MITF: variants seen among roughly 807,000 people sequenced by gnomAD.
MITF encodes the protein microphthalmia-associated transcription factor.
A neutral mutation model predicts 60.5 loss-of-function variants in MITF; 17 were observed. The ratio of observed to expected loss-of-function variants is 0.28; its 90% CI spans 0.19 to 0.42. The LOEUF is 0.42. Ranked by LOEUF, MITF falls within the 10% of genes least tolerant of loss-of-function variation. MITF has a pLI of 1.00. For missense variants in MITF, 622 were observed against 683.5 expected (o/e 0.91, Z 1.00); for synonymous variants, 260 against 248.5 (o/e 1.05, Z -0.43).
chr3:69,929,526 G>A (rs1049841021), intron 2 of MITF, among the ~76,000 whole-genome samples: 1 of 152,074 alleles, frequency 6.6e-6, no homozygotes, highest in Admixed American at 6.6e-5. Flanking sequence ...GCCCTGGAAT[G>A]TGCATTTCTA....
intron 8 of MITF, among the ~76,000 whole-genome samples, chr3:69,958,314 C>CT (rs1291285263): frequency 6.6e-6 from 1 of 152,186 alleles, no homozygotes; most frequent in African/African-American, 2.4e-5. Context: ...TCTGCGCTCA[C>CT]TGTGGGTATC....
At chr3:69,935,722 C>G (rs1209452523) in intron 2 of MITF, among the ~76,000 whole-genome samples, 1 of 152,100 alleles carries the variant, frequency 6.6e-6, no homozygotes, top group Non-Finnish European at 1.5e-5. Flanking sequence ...TTGCTTGCCT[C>G]TTTTCTTTTT....
chr3:69,774,172 C>G (rs937171278), intron 1 of MITF, among the ~76,000 whole-genome samples: 2 of 152,168 alleles, frequency 1.3e-5, no homozygotes, highest in African/African-American at 4.8e-5. Context: ...CCAGTTAGAC[C>G]TAGTGCCACA....
chr3:69,877,820 A>T (rs2064389520), intron 1 of MITF, among the ~76,000 whole-genome samples: 1 of 152,188 alleles, frequency 6.6e-6, no homozygotes, highest in Admixed American at 6.5e-5. Context: ...AAGGTAAAAG[A>T]TAATACCAGA....
chr3:69,859,450 T>C (rs986093416), intron 1 of MITF, among the ~76,000 whole-genome samples: 5 of 152,212 alleles, frequency 3.3e-5, no homozygotes, highest in African/African-American at 1.2e-4. Flanking sequence ...CAGTCCCTTC[T>C]TCTGGCTCCT....
chr3:69,753,661 G>C (rs1267686644), intron 1 of MITF, among the ~76,000 whole-genome samples: 2 of 152,220 alleles, frequency 1.3e-5, no homozygotes, highest in Non-Finnish European at 2.9e-5. Flanking sequence ...AGTGAGCCCT[G>C]GATGTGAGAC....
chr3:69,848,357 G>A (rs2063766958), intron 1 of MITF, among the ~76,000 whole-genome samples: 1 of 152,180 alleles, frequency 6.6e-6, no homozygotes, highest in Non-Finnish European at 1.5e-5. Context: ...ATATCACTCT[G>A]ACAAATATTG....
intron 1 of MITF, among the ~76,000 whole-genome samples, chr3:69,824,027 T>C (rs974897309): frequency 6.6e-6 from 1 of 152,220 alleles, no homozygotes; most frequent in Non-Finnish European, 1.5e-5. Flanking sequence ...GGTCAAAATA[T>C]GAGCAACATT....
chr3:69,909,038 T>A lies in MITF; in HGVS notation c.355-28784T>A, dbSNP rs117463897. ...GTTTGTTTGTTTTTTAAAGACATGG[T>A]GATACGGCTTGGCTGTGTCCCCAAC... On this transcript the variant is annotated intron_variant, in intron 2 of 9. Coordinates refer to ENST00000352241, the MANE Select transcript of MITF (RefSeq NM_001354604.2). 3.3e-4 allele frequency among the ~76,000 whole-genome samples: 50 copies of A among 152,282 alleles called. 1 individual carries two copies. The East Asian group carries it at 9.7e-3, about 29-fold the overall frequency.
intron 1 of MITF, among the ~76,000 whole-genome samples, chr3:69,749,462 A>G (rs1703848764): frequency 6.6e-6 from 1 of 152,236 alleles, no homozygotes; most frequent in African/African-American, 2.4e-5. Flanking sequence ...ACCTCAGCCA[A>G]TAAGAACTCT....
chr3:69,951,195 T>C (rs2066242456), intron 6 of MITF, among the ~76,000 whole-genome samples: 1 of 149,762 alleles, frequency 6.7e-6, no homozygotes, highest in African/African-American at 2.5e-5. Context: ...CCTCCTGGGC[T>C]CAAGTGATCC....
chr3:69,903,982 C>G (rs1047043714), intron 2 of MITF, among the ~76,000 whole-genome samples: 2 of 152,092 alleles, frequency 1.3e-5, no homozygotes, highest in African/African-American at 4.8e-5. Flanking sequence ...TGAGATAATG[C>G]TCATGCATCA....
intron 1 of MITF, among the ~76,000 whole-genome samples, chr3:69,862,391 A>G (rs932161605): frequency 5.3e-5 from 8 of 152,198 alleles, no homozygotes; most frequent in African/African-American, 1.9e-4. Flanking sequence ...AGGACCCAGC[A>G]CATAGTAAGC....
At chr3:69,791,068 T>C (rs542952654) in intron 1 of MITF, among the ~76,000 whole-genome samples, 2 of 152,382 alleles carry the variant, frequency 1.3e-5, no homozygotes, top group East Asian at 3.9e-4. Context: ...TGTATTTCTA[T>C]ATGAACAAAT....
chr3:69,848,003 T>A (rs1174666561), intron 1 of MITF, among the ~76,000 whole-genome samples: 2 of 152,224 alleles, frequency 1.3e-5, no homozygotes, highest in African/African-American at 4.8e-5. Flanking sequence ...TTCTATTTCA[T>A]GAAAAAATTC....
intron 2 of MITF, among the ~76,000 whole-genome samples, chr3:69,896,724 G>T (rs1030549485): frequency 6.6e-6 from 1 of 152,178 alleles, no homozygotes; most frequent in African/African-American, 2.4e-5. Context: ...ATAAACACCT[G>T]AACCAACCTC....
intron 2 of MITF, among the ~76,000 whole-genome samples, chr3:69,911,554 T>A (rs765500498): frequency 3.9e-5 from 6 of 152,106 alleles, no homozygotes; most frequent in Admixed American, 3.9e-4. Flanking sequence ...GAGAACCATA[T>A]TGATAACATA....
At chr3:69,856,184 C>T (rs2063915186) in intron 1 of MITF, among the ~76,000 whole-genome samples, 1 of 152,140 alleles carries the variant, frequency 6.6e-6, no homozygotes, top group African/African-American at 2.4e-5. Context: ...CTGAAAGTTT[C>T]TAGCACATTC....
intron 2 of MITF, among the ~76,000 whole-genome samples, chr3:69,928,451 A>C (rs570244636): frequency 6.6e-6 from 1 of 152,332 alleles, no homozygotes; most frequent in African/African-American, 2.4e-5. Context: ...TGCAGATTTA[A>C]AAGTCTTCAG....
Sources: allele counts gnomAD v4.1 joint callset (sites outside exome capture counted in the v4.1 genomes callset), GRCh38; gene constraint gnomAD v4.1.1; transcripts MANE v1.5; gene names NCBI Gene and HGNC (gene_info 2026-07-23, HGNC 2026-07-21).